Variants in CRACD observed in about 807,000 individuals in gnomAD.
CRACD encodes capping protein inhibiting regulator of actin dynamics, also known as capping protein-inhibiting regulator of actin dynamics.
CRACD carries 56 observed loss-of-function variants against 106.8 expected under a neutral mutation model. That is an observed-to-expected ratio of 0.52 (90% CI 0.42 to 0.66). The LOEUF is 0.66. Among genes scored for constraint, CRACD ranks in the 30% least tolerant of loss-of-function variants. The pLI, the probability that CRACD is intolerant of heterozygous loss-of-function variation, is 0.00. For synonymous variants in CRACD, 754 were observed against 670.8 expected, an observed-to-expected ratio of 1.12 and a Z score of -1.92; for missense variants, 1,730 against 1,623.2, an observed-to-expected ratio of 1.07 and a Z score of -1.13.
intron 5 of CRACD, among the ~76,000 whole-genome samples, chr4:56,308,201 A>G (rs1744876864): frequency 6.6e-6 from 1 of 152,214 alleles, no homozygotes; most frequent in African/African-American, 2.4e-5. Context: ...ACTAATTTAA[A>G]GGGAAATGAA....
chr4:56,180,829 C>A (rs7664214), intron 2 of CRACD, among the ~76,000 whole-genome samples: 9,753 of 152,130 alleles, frequency 0.064, 919 homozygotes, highest in East Asian at 0.41. Flanking sequence ...ATTGTCAGCA[C>A]CCCTTAGGGA....
At chr4:56,270,884 C>T (rs752354480) in intron 2 of CRACD, among the ~76,000 whole-genome samples, 21 of 151,568 alleles carry the variant, frequency 1.4e-4, no homozygotes, top group Non-Finnish European at 3.1e-4. Flanking sequence ...GAGTTCAAAA[C>T]CAGCCTGGCC....
chr4:56,308,960 A>C, intron 5 of CRACD: 1 of 1,255,596 alleles, frequency 8.0e-7, no homozygotes, highest in South Asian at 1.2e-5. Context: ...GAGGTGAGCA[A>C]GATTCTACAA....
intron 1 of CRACD, among the ~76,000 whole-genome samples, chr4:56,078,141 G>T: frequency 6.6e-6 from 1 of 151,904 alleles, no homozygotes; most frequent in East Asian, 1.9e-4. Context: ...GTGGTACATT[G>T]GTGTTTTATG....
Position 56,315,104 on chromosome 4 carries a change from C to G in CRACD, c.1602C>G (p.Pro534=), listed in dbSNP as rs1745499722. 1 of 1,611,296 alleles carries G rather than the reference C, an allele frequency of 6.2e-7. No individual in the cohort carries two copies. The highest frequency in any genetic ancestry group is 8.5e-7 in the Non-Finnish European group (1 of 1,179,226). The change falls in exon 8 of 11, where the codon CCC becomes CCG. Residue 534 remains proline (P), a synonymous_variant. Coordinates refer to ENST00000682029, the MANE Select transcript of CRACD (RefSeq NM_001393381.1). The surrounding 1 kb of genome is among the most constrained non-coding windows in gnomAD (Gnocchi z 4.1). ...WQEVDERQTM[P]RPYTFQVSSG... is the part of the protein sequence containing the mutation. ...AGGTGGACGAGAGACAGACCATGCCCCGGCCCTACACGTTCCAGGTGTCCT... is the reference window on the plus strand; with the variant it reads ...AGGTGGACGAGAGACAGACCATGCCGCGGCCCTACACGTTCCAGGTGTCCT...
In CRACD at chr4:56,057,995, T is replaced by C. The variant is rs1202431862; in HGVS notation, c.-336+8696T>C. Among the ~76,000 whole-genome samples the C allele has an allele frequency of 3.1e-5, 2 of 64,488 alleles. 1 individual carries two copies. The highest frequency in any genetic ancestry group is 2.7e-4 in the African/African-American group (2 of 7,352). 42.3% of individuals were successfully genotyped at this position (64,488 alleles called of 152,430 possible). ...TACCACGCCCAGCTAATTTTTTGTA[T>C]TTTTTTAGTAGAGACGGGGTTTCAT... On this transcript the variant is annotated intron_variant, in intron 1 of 10. Transcript: ENST00000682029.
chr4:56,111,152 G>A (rs1043620513), intron 1 of CRACD, among the ~76,000 whole-genome samples: 7 of 152,186 alleles, frequency 4.6e-5, no homozygotes, highest in African/African-American at 7.2e-5. Flanking sequence ...ATATAGAACC[G>A]TACAAAATGA....
chr4:56,269,562 C>CTT (rs56162079), intron 2 of CRACD, among the ~76,000 whole-genome samples: 11 of 112,124 alleles, frequency 9.8e-5, no homozygotes, highest in Non-Finnish European at 1.6e-4. Context: ...AGGTGCCACA[C>CTT]TTTTTTTTTT....
At chr4:56,324,016 C>T in intron 9 of CRACD, 88 bp from the exon 10 acceptor site, 1 of 1,417,328 alleles carries the variant, frequency 7.1e-7, no homozygotes, top group African/African-American at 1.4e-5. Context: ...CAGGGGCTGG[C>T]AGGCAGAGGC....
intron 1 of CRACD, among the ~76,000 whole-genome samples, chr4:56,127,180 G>A (rs944701729): frequency 2.0e-5 from 3 of 152,156 alleles, no homozygotes; most frequent in South Asian, 2.1e-4. Context: ...CCCTCTGGAG[G>A]ACACAGCAGG....
intron 2 of CRACD, among the ~76,000 whole-genome samples, chr4:56,182,665 C>T (rs13127290): frequency 0.34 from 51,207 of 151,956 alleles, 8,736 homozygotes; most frequent in African/African-American, 0.38. Context: ...TCCAAGAGAG[C>T]TCACAACTGA....
intron 2 of CRACD, among the ~76,000 whole-genome samples, chr4:56,198,379 A>G (rs1391232121): frequency 6.6e-6 from 1 of 152,182 alleles, no homozygotes. Flanking sequence ...ATCAGTGAAG[A>G]AGCAGACCCA....
intron 3 of CRACD, among the ~76,000 whole-genome samples, chr4:56,273,942 A>G (rs1742519782): frequency 6.6e-6 from 1 of 152,198 alleles, no homozygotes; most frequent in South Asian, 2.1e-4. Flanking sequence ...ATTCTAATGA[A>G]CACTGCTGTT....
At chr4:56,099,576 C>T (rs2109829677) in intron 1 of CRACD, among the ~76,000 whole-genome samples, 1 of 152,224 alleles carries the variant, frequency 6.6e-6, no homozygotes, top group South Asian at 2.1e-4. Flanking sequence ...GATGGTTTTG[C>T]CCTAATGAGA....
chr4:56,164,283 C>T (rs1345365029), intron 1 of CRACD, among the ~76,000 whole-genome samples: 1 of 151,730 alleles, frequency 6.6e-6, no homozygotes, highest in Non-Finnish European at 1.5e-5. Flanking sequence ...TACAGGGGCC[C>T]GCCACCAAGC....
chr4:56,270,316 G>A (rs1176695843), intron 2 of CRACD, among the ~76,000 whole-genome samples: 1 of 151,676 alleles, frequency 6.6e-6, no homozygotes, highest in African/African-American at 2.4e-5. Context: ...TCAGCCTCCC[G>A]AGTAACTGAG....
rs868288469 is a variant in CRACD, at chr4:56,129,593, G to C, written c.-335-49691G>C. ...GGCTGCTGCCACCAGGTGGATGCTG[G>C]TGCCTAGGTGATGGTCACCTGTCCA... On this transcript the variant is annotated intron_variant, in intron 1 of 10. Transcript: ENST00000682029. Among the ~76,000 whole-genome samples the C allele has an allele frequency of 2.0e-5, 3 of 152,180 alleles. No individual in the cohort carries two copies. The South Asian group carries it at 6.2e-4, about 31-fold the overall frequency.
chr4:56,240,928 C>G (rs921713740), intron 2 of CRACD, among the ~76,000 whole-genome samples: 1 of 152,150 alleles, frequency 6.6e-6, no homozygotes, highest in Non-Finnish European at 1.5e-5. Flanking sequence ...TAAGTCCATC[C>G]GCACACCCAC....
chr4:56,327,520 A>T (rs186159907), intron 10 of CRACD, 124 bp from the exon 11 acceptor site: 2 of 824,142 alleles, frequency 2.4e-6, no homozygotes, highest in South Asian at 1.8e-5. Flanking sequence ...TTTCAAAACA[A>T]TGTTGTACAT....
Sources: allele counts gnomAD v4.1 joint callset (sites outside exome capture counted in the v4.1 genomes callset), GRCh38; gene constraint gnomAD v4.1.1; non-coding constraint Gnocchi (gnomAD v3.1); transcripts MANE v1.5; gene names NCBI Gene and HGNC (gene_info 2026-07-23, HGNC 2026-07-21).